The following PWWP3A variants were observed in gnomAD, a reference collection of about 807,000 sequenced individuals.
PWWP3A encodes PWWP domain-containing DNA repair factor 3A.
In PWWP3A, 53 loss-of-function variants were observed where a neutral mutation model predicts 79.0. The observed-to-expected ratio is 0.67, with a 90% confidence interval of 0.54 to 0.84. The LOEUF (loss-of-function observed/expected upper bound fraction) is 0.84. Ranked by LOEUF, PWWP3A falls within the 40% of genes least tolerant of loss-of-function variation. The probability of loss-of-function intolerance (pLI) is 0.00; values close to 1 mark genes in which losing one functional copy is unlikely to be tolerated. For synonymous variants in PWWP3A, 443 were observed against 394.4 expected (o/e 1.12, Z -1.46); for missense variants, 973 against 948.0 (o/e 1.03, Z -0.35).
chr19:1,373,275 T>G (rs1600128477), intron 13 of PWWP3A, 115 bp downstream of exon 13: 1 of 862,922 alleles, frequency 1.2e-6, no homozygotes, highest in Non-Finnish European at 1.9e-6. Context: ...CCTCATGAGG[T>G]GGCCCAGGTG....
At chr19:1,375,746 AATAT>A (rs961928808) in intron 13 of PWWP3A, among the ~76,000 whole-genome samples, 1 of 142,920 alleles carries the variant, frequency 7.0e-6, no homozygotes, top group Non-Finnish European at 1.5e-5. Flanking sequence ...TTATATATAA[AATAT>A]ATAATTTTAT....
intron 13 of PWWP3A, among the ~76,000 whole-genome samples, chr19:1,375,794 A>G (rs1389568252): frequency 3.2e-5 from 4 of 125,330 alleles, no homozygotes; most frequent in Non-Finnish European, 4.8e-5. Flanking sequence ...ACACACACAC[A>G]CATATGTATT....
intron 6 of PWWP3A, among the ~76,000 whole-genome samples, chr19:1,363,016 C>T (rs1286849732): frequency 2.0e-5 from 3 of 152,220 alleles, no homozygotes; most frequent in Non-Finnish European, 4.4e-5. Context: ...CTTTAACCTT[C>T]TAGTTTCAGA....
intron 12 of PWWP3A, chr19:1,371,528 A>C (rs911666913): frequency 4.7e-6 from 3 of 632,156 alleles, no homozygotes; most frequent in Non-Finnish European, 8.6e-6. Context: ...TGGTAAGTTA[A>C]ACACACAAAT....
chr19:1,373,427 A>G (rs998511382), intron 13 of PWWP3A: 3 of 505,904 alleles, frequency 5.9e-6, no homozygotes, highest in Admixed American at 7.0e-5. Context: ...GTCTGTTCTT[A>G]ATCTCTTTTT....
At chr19:1,371,526 T>TA (rs1600124882) in intron 12 of PWWP3A, 2 of 632,804 alleles carry the variant, frequency 3.2e-6, no homozygotes, top group East Asian at 2.7e-5. Context: ...CGTGGTAAGT[T>TA]AAACACACAA....
chr19:1,372,788 A>C (rs2082289872), intron 12 of PWWP3A: 1 of 339,714 alleles, frequency 2.9e-6, no homozygotes, highest in Non-Finnish European at 5.3e-6. Context: ...AAAAACTTAA[A>C]ATTTTTGAGA....
intron 6 of PWWP3A, 133 bp downstream of exon 6, chr19:1,362,484 G>T (rs959181399): frequency 5.5e-5 from 36 of 654,948 alleles, no homozygotes; most frequent in East Asian, 5.5e-4. Context: ...ACTGAACCGA[G>T]ACCTGGAAGG....
rs1249978821 is a variant in PWWP3A at position 1,376,640 on chromosome 19, G to A, written c.*64G>A. ...GGAAGCGCCTCCAGTGTGCATGAGC[G>A]TGTCTGAAGATGGGGGGCTCAGGGG... On this transcript the variant is annotated 3_prime_UTR_variant, in exon 14 of 14. Transcript: ENST00000591337. 11 of 1,547,912 alleles carry A rather than the reference G, an allele frequency of 7.1e-6. No individual in the cohort carries two copies. Among genetic ancestry groups the A allele is most frequent in the Non-Finnish European group, 9.8e-6 (11 of 1,126,588 alleles).
rs376184873 is a variant in PWWP3A, at chr19:1,358,632, G to A, written c.214+168G>A. ...CTGAAGGAGAAGGAAAAATGGATCC[G>A]CTTTCTTAAACCTTTCCAGAATTTG... On this transcript the variant is annotated intron_variant, in intron 4 of 13. Transcript: ENST00000591337. The A allele has an allele frequency of 7.3e-5, 113 of 1,540,814 alleles. 1 individual carries two copies. The highest frequency in any genetic ancestry group is 6.6e-4 in the East Asian group (27 of 41,082).
At chr19:1,374,784 G>A (rs541568423) in intron 13 of PWWP3A, among the ~76,000 whole-genome samples, 2 of 152,268 alleles carry the variant, frequency 1.3e-5, no homozygotes, top group Admixed American at 6.5e-5. Flanking sequence ...GCTCATGCCT[G>A]TAATCCCAGC....
At chr19:1,366,804 C>T (rs144292608) in intron 8 of PWWP3A, among the ~76,000 whole-genome samples, 6 of 152,348 alleles carry the variant, frequency 3.9e-5, no homozygotes, top group Admixed American at 6.5e-5. Flanking sequence ...ATGGATCAGC[C>T]GGCTGAAAGC....
chr19:1,356,842 C>G (rs902041351), intron 2 of PWWP3A, among the ~76,000 whole-genome samples, 167 bp from the exon 3 acceptor site: 4 of 152,178 alleles, frequency 2.6e-5, no homozygotes, highest in African/African-American at 9.6e-5. Flanking sequence ...ACTGGCCTCT[C>G]ATGCCTCAGT....
rs1460502000 is a variant in PWWP3A, at chr19:1,367,143, C to T, written c.1362-17C>T. ...GGAAGTTCATTCATGTTAACTTTTCCCTCTCTCTGCTTCAAGTTTCACAGT... is the reference window on the plus strand; with the variant it reads ...GGAAGTTCATTCATGTTAACTTTTCTCTCTCTCTGCTTCAAGTTTCACAGT... On this transcript the variant is annotated splice_polypyrimidine_tract_variant and intron_variant, in intron 8 of 13. Coordinates refer to ENST00000591337, the MANE Select transcript of PWWP3A (RefSeq NM_001369789.1). The T allele has an allele frequency of 3.1e-6, 5 of 1,606,134 alleles. No homozygotes were observed. The highest frequency in any genetic ancestry group is 1.1e-5 in the South Asian group (1 of 90,142).
At chr19:1,371,167 G>A (rs1000345258) in intron 12 of PWWP3A, 89 bp downstream of exon 12, 11 of 1,448,910 alleles carry the variant, frequency 7.6e-6, no homozygotes, top group South Asian at 3.6e-5. Context: ...CACGGTCCTC[G>A]CCCCTGCTCC....
In PWWP3A at chr19:1,369,786, T is replaced by TA; in HGVS notation, c.1549+140_1549+141insA. 2 of 1,003,692 alleles carry TA rather than the reference T, an allele frequency of 2.0e-6. No individual in the cohort carries two copies. The highest frequency in any genetic ancestry group is 3.1e-6 in the Non-Finnish European group (2 of 639,006). The allele number at this position is 1,003,692 out of a possible 1,614,324, so 62.2% of individuals were successfully genotyped here. A position where few individuals can be genotyped will look rare whatever the true frequency, so the allele number is the denominator to read the frequency against. On this transcript the variant is annotated intron_variant, in intron 11 of 13. Transcript: ENST00000591337. This position sits in a 1 kb window ranked among gnomAD's most constrained non-coding sequence, Gnocchi z 4.0. ...GCCACACAGCATTGTTCAACCTCTA[T>TA]GAGGTTTTGATGTGACCCTGAGGCT... is the stretch of plus-strand genomic sequence containing the variant.
rs2082036172 is a variant in PWWP3A, at chr19:1,362,346, A to G, written c.1208A>G (p.Tyr403Cys). ...GAGGAGCCACCAAGAGTCCTTTTATACCACGGTAAGAAATGATCAGGGGGC... is the reference window on the plus strand; with the variant it reads ...GAGGAGCCACCAAGAGTCCTTTTATGCCACGGTAAGAAATGATCAGGGGGC... Reference protein sequence around the residue: ...EDEEPPRVLLYHEPRSFEVGM... With the variant: ...EDEEPPRVLLCHEPRSFEVGM... The change falls in exon 6 of 14, where the codon TAC (tyrosine) becomes TGC (cysteine). Residue 403 changes from tyrosine to cysteine, a missense_variant. Coordinates refer to ENST00000591337, the MANE Select transcript of PWWP3A (RefSeq NM_001369789.1). 1 of 1,613,304 alleles carries G rather than the reference A, an allele frequency of 6.2e-7. No individual in the cohort carries two copies. Among genetic ancestry groups the G allele is most frequent in the African/African-American group, 1.3e-5 (1 of 74,812 alleles).
At chr19:1,361,605 C>T (rs992081361) in intron 5 of PWWP3A, among the ~76,000 whole-genome samples, 1 of 152,230 alleles carries the variant, frequency 6.6e-6, no homozygotes, top group South Asian at 2.1e-4. Flanking sequence ...TGGAAATCTA[C>T]TTGCTACAAA....
At chr19:1,363,311 CT>C (rs1197992225) in intron 6 of PWWP3A, among the ~76,000 whole-genome samples, 2 of 152,188 alleles carry the variant, frequency 1.3e-5, no homozygotes, top group Non-Finnish European at 2.9e-5. Flanking sequence ...AATGGTCAGA[CT>C]TTTTAACAGT....
Sources: gnomAD v4.1 joint callset for allele counts (sites outside exome capture counted in the v4.1 genomes callset) on GRCh38, gnomAD v4.1.1 for gene constraint, Gnocchi (gnomAD v3.1) non-coding constraint, MANE v1.5 for transcripts, NCBI Gene and HGNC (gene_info 2026-07-23, HGNC 2026-07-21) for gene names.